The following CEP63 variants were observed in gnomAD, a reference collection of about 807,000 sequenced individuals.
The protein encoded by CEP63 is centrosomal protein 63.
Under a neutral mutation model 89.1 loss-of-function variants are expected in CEP63, and 84 were observed. The observed-to-expected ratio is 0.94, with a 90% CI of 0.79 to 1.13. CEP63 has a LOEUF of 1.13. Among genes scored for constraint, CEP63 ranks in the 50% most tolerant of loss-of-function variants. The pLI is 0.00. For missense variants in CEP63, 838 were observed against 813.3 expected (o/e 1.03, Z -0.37); for synonymous variants, 267 against 272.5 (o/e 0.98, Z 0.20).
At chr3:134,654,174 G>A in the CEP63 span, among the ~76,000 whole-genome samples, 3 of 152,292 alleles carry the variant, frequency 2.0e-5, no homozygotes, top group Non-Finnish European at 2.9e-5. Flanking sequence ...AGATTTGTCA[G>A]TTGTCTGAAT....
At chr3:134,749,705 CAAAAAAAAAAAAAAAAA>C in the CEP63 span, among the ~76,000 whole-genome samples, 2 of 49,410 alleles carry the variant, frequency 4.0e-5, no homozygotes, top group African/African-American at 1.3e-4. Flanking sequence ...AGGGGTTGTT[CAAAAAAAAAAAAAAAAA>C]AAAAAAAAAA....
At chr3:134,707,806 G>C in the CEP63 span, among the ~76,000 whole-genome samples, 1 of 142,436 alleles carries the variant, frequency 7.0e-6, no homozygotes, top group Non-Finnish European at 1.5e-5. Context: ...ATTGATGGAT[G>C]ATCAGTCCTC....
the CEP63 span, among the ~76,000 whole-genome samples, chr3:134,772,663 C>T: frequency 6.6e-6 from 1 of 152,132 alleles, no homozygotes; most frequent in Non-Finnish European, 1.5e-5. Context: ...GCCAACTGCA[C>T]ATGTGGGAGG....
At chr3:134,555,616 A>G (rs1173330538) in intron 12 of CEP63, among the ~76,000 whole-genome samples, 1 of 152,196 alleles carries the variant, frequency 6.6e-6, no homozygotes, top group Non-Finnish European at 1.5e-5. Context: ...GCTCAAGGAA[A>G]TAAAACAGGA....
At chr3:134,672,665 A>G in the CEP63 span, among the ~76,000 whole-genome samples, 1 of 151,868 alleles carries the variant, frequency 6.6e-6, no homozygotes, top group Non-Finnish European at 1.5e-5. Flanking sequence ...TCTCTTCCCA[A>G]TCTCTCCCTT....
chr3:134,527,486 G>A (rs1042860615), intron 3 of CEP63, among the ~76,000 whole-genome samples: 32 of 152,272 alleles, frequency 2.1e-4, no homozygotes, highest in Admixed American at 6.5e-4. Context: ...GGTCAGTGGG[G>A]ACATGGGAAA....
chr3:134,682,146 T>C, the CEP63 span, among the ~76,000 whole-genome samples: 1 of 152,206 alleles, frequency 6.6e-6, no homozygotes, highest in African/African-American at 2.4e-5. Flanking sequence ...TGGTCTAATG[T>C]ATCTCCCATT....
chr3:134,673,031 C>A, the CEP63 span, among the ~76,000 whole-genome samples: 1 of 152,220 alleles, frequency 6.6e-6, no homozygotes, highest in Non-Finnish European at 1.5e-5. Context: ...CTCTCCCACC[C>A]TTCATAGTAC....
chr3:134,588,681 A>G (rs1958536876), downstream of CEP63, among the ~76,000 whole-genome samples: 1 of 152,218 alleles, frequency 6.6e-6, no homozygotes, highest in South Asian at 2.1e-4. Context: ...GAAAGAGCAA[A>G]CTAAACGTCA....
the CEP63 span, among the ~76,000 whole-genome samples, chr3:134,718,955 C>T: frequency 1.3e-5 from 2 of 152,096 alleles, no homozygotes; most frequent in Non-Finnish European, 2.9e-5. Context: ...CTCTGTTTTT[C>T]GTAACAGTTG....
chr3:134,598,248 C>G, the CEP63 span, among the ~76,000 whole-genome samples: 1 of 152,120 alleles, frequency 6.6e-6, no homozygotes, highest in Non-Finnish European at 1.5e-5. Context: ...AACTATTATG[C>G]CTCTGGGGCC....
the CEP63 span, chr3:134,607,799 C>A: frequency 1.0e-6 from 1 of 987,364 alleles, no homozygotes; most frequent in Non-Finnish European, 1.2e-6. Flanking sequence ...AGCTGGGTAT[C>A]CTATACTGCC....
At chr3:134,682,123 T>G in the CEP63 span, among the ~76,000 whole-genome samples, 2 of 152,176 alleles carry the variant, frequency 1.3e-5, no homozygotes, top group African/African-American at 4.8e-5. Flanking sequence ...AGCAATGCCA[T>G]GAACTGGGGC....
chr3:134,508,019 C>G (rs1399321924), intron 3 of CEP63, among the ~76,000 whole-genome samples: 2 of 152,160 alleles, frequency 1.3e-5, no homozygotes, highest in Non-Finnish European at 2.9e-5. Context: ...GGTCCCATTT[C>G]TCACTCTGAA....
At chr3:134,561,309 T>A (rs1957302727) in intron 14 of CEP63, 68 bp from the exon 15 acceptor site, 1 of 1,425,940 alleles carries the variant, frequency 7.0e-7, no homozygotes, top group South Asian at 1.2e-5. Flanking sequence ...GAAAATGTCA[T>A]GAACAGTGTA....
At chr3:134,553,721 A>G (rs1192534382) in intron 12 of CEP63, among the ~76,000 whole-genome samples, 1 of 152,210 alleles carries the variant, frequency 6.6e-6, no homozygotes, top group African/African-American at 2.4e-5. Flanking sequence ...TTTCTAGAGG[A>G]CAGCTTAGCA....
At chr3:134,540,123 A>G (rs890516240) in intron 6 of CEP63, among the ~76,000 whole-genome samples, 2 of 152,162 alleles carry the variant, frequency 1.3e-5, no homozygotes, top group Non-Finnish European at 2.9e-5. Context: ...TACTCTCTCT[A>G]TATTTGTGTA....
the CEP63 span, among the ~76,000 whole-genome samples, chr3:134,753,923 G>C: frequency 1.3e-5 from 2 of 152,148 alleles, no homozygotes; most frequent in Non-Finnish European, 2.9e-5. Flanking sequence ...TGTGCATCTT[G>C]TGAGTATCTG....
chr3:134,672,511 T>C, the CEP63 span, among the ~76,000 whole-genome samples: 5 of 152,214 alleles, frequency 3.3e-5, no homozygotes, highest in African/African-American at 4.8e-5. Context: ...TTCTTCCTAA[T>C]TAGATATTCT....
Sources: allele counts gnomAD v4.1 joint callset (sites outside exome capture counted in the v4.1 genomes callset), GRCh38; gene constraint gnomAD v4.1.1; transcripts MANE v1.5; gene names NCBI Gene and HGNC (gene_info 2026-07-23, HGNC 2026-07-21).